VPS13B: variants seen among roughly 807,000 people sequenced by gnomAD.
VPS13B encodes vacuolar protein sorting 13 homolog B.
VPS13B carries 285 observed loss-of-function variants against 426.4 expected under a neutral mutation model. The observed-to-expected ratio is 0.67, with a 90% CI of 0.61 to 0.74. The LOEUF (loss-of-function observed/expected upper bound fraction) is 0.74. Among genes scored for constraint, VPS13B ranks in the 30% least tolerant of loss-of-function variants. VPS13B has a pLI of 0.00. For synonymous variants in VPS13B, 1,676 were observed against 1,676.4 expected, an observed-to-expected ratio of 1.00 and a Z score of 0.01; for missense variants, 4,537 against 4,782.6, an observed-to-expected ratio of 0.95 and a Z score of 1.51.
intron 35 of VPS13B, among the ~76,000 whole-genome samples, chr8:99,687,165 G>A (rs1831448496): frequency 6.6e-6 from 1 of 152,004 alleles, no homozygotes; most frequent in African/African-American, 2.4e-5. Flanking sequence ...TTGGGAGCTA[G>A]GGACTAGAAT....
At chr8:99,013,461 G>A in intron 1 of VPS13B, 114 bp downstream of exon 1, 2 of 374,020 alleles carry the variant, frequency 5.3e-6, no homozygotes, top group Non-Finnish European at 5.1e-6. Context: ...TCGCGGGGTG[G>A]CTGGGTTGGT....
chr8:99,617,299 G>T (rs11780969), intron 33 of VPS13B, among the ~76,000 whole-genome samples: 4,879 of 152,076 alleles, frequency 0.032, 106 homozygotes, highest in Middle Eastern at 0.068. Context: ...CTAGGTTTTG[G>T]GTTATTTGTT....
In VPS13B at chr8:99,140,717, G is replaced by T. The variant is rs1451894658; in HGVS notation, c.1652-2257G>T. 2.3e-5 allele frequency among the ~76,000 whole-genome samples: 3 copies of T among 132,884 alleles called. No homozygotes were observed. In the East Asian group the frequency reaches 6.8e-4, roughly 30 times the overall value. The allele number at this position is 132,884 out of a possible 152,430, so 87.2% of individuals were successfully genotyped here. A position where few individuals can be genotyped will look rare whatever the true frequency, so the allele number is the denominator to read the frequency against. ...CTCCTCCTCCTCCTTCTCCTTCTTT[G>T]TGAGTATACTTTAGTCATTTTTGTT... is the stretch of plus-strand genomic sequence containing the variant. On this transcript the variant is annotated intron_variant, in intron 12 of 61. Transcript: ENST00000357162.
At chr8:99,855,317 G>T (rs999976079) in intron 56 of VPS13B, among the ~76,000 whole-genome samples, 1 of 152,172 alleles carries the variant, frequency 6.6e-6, no homozygotes, top group Admixed American at 6.5e-5. Flanking sequence ...AGGACTTTGA[G>T]GCTACAGTGA....
At chr8:99,142,280 G>A (rs925120769) in intron 12 of VPS13B, among the ~76,000 whole-genome samples, 2 of 152,070 alleles carry the variant, frequency 1.3e-5, no homozygotes, top group Non-Finnish European at 2.9e-5. Flanking sequence ...TAAACAAAAT[G>A]CATTATAAAT....
At chr8:99,348,747 A>G (rs1811688805) in intron 19 of VPS13B, among the ~76,000 whole-genome samples, 1 of 152,162 alleles carries the variant, frequency 6.6e-6, no homozygotes, top group African/African-American at 2.4e-5. Flanking sequence ...ATTTTTCAGT[A>G]ATTTATAGTG....
At chr8:99,475,490 A>G (rs1294920681) in intron 24 of VPS13B, among the ~76,000 whole-genome samples, 1 of 152,108 alleles carries the variant, frequency 6.6e-6, no homozygotes, top group Non-Finnish European at 1.5e-5. Context: ...ATATTCTTAG[A>G]CTCCACTATT....
At chr8:99,842,070 T>C (rs1444108306) in intron 54 of VPS13B, among the ~76,000 whole-genome samples, 1 of 152,214 alleles carries the variant, frequency 6.6e-6, no homozygotes, top group Non-Finnish European at 1.5e-5. Context: ...AAGTCTATAA[T>C]TCTTCCATAG....
At chr8:99,571,754 A>T (rs976960295) in intron 31 of VPS13B, among the ~76,000 whole-genome samples, 1 of 152,184 alleles carries the variant, frequency 6.6e-6, no homozygotes, top group African/African-American at 2.4e-5. Context: ...TTAGGCTATA[A>T]TTATGATGTC....
rs772550162 is a variant in VPS13B, at chr8:99,013,938, A to G, written c.147+3A>G. 3.1e-6 allele frequency: 5 copies of G among 1,613,988 alleles called. No individual in the cohort carries two copies. The African/African-American group carries it at 5.3e-5, about 17-fold the overall frequency. On this transcript the variant is annotated splice_donor_region_variant and intron_variant, in intron 2 of 61. Coordinates refer to ENST00000357162, the MANE Select transcript of VPS13B (RefSeq NM_152564.5). ...TAAAGTTGGATGTGCTGGAACAGGT[A>G]AGCTATTTAGCTGTCATTAACTGGA... is the stretch of plus-strand genomic sequence containing the variant.
At chr8:99,685,251 A>G (rs1000600617) in intron 35 of VPS13B, among the ~76,000 whole-genome samples, 6 of 152,258 alleles carry the variant, frequency 3.9e-5, no homozygotes, top group Non-Finnish European at 8.8e-5. Flanking sequence ...TGGAATTTGT[A>G]TTAGTTTTCT....
intron 19 of VPS13B, among the ~76,000 whole-genome samples, chr8:99,316,201 G>A (rs1809648740): frequency 2.0e-5 from 3 of 152,170 alleles, no homozygotes; most frequent in Admixed American, 2.0e-4. Flanking sequence ...TCCTTAGGGT[G>A]CTTATAAATG....
chr8:99,322,485 C>T (rs564108579), intron 19 of VPS13B, among the ~76,000 whole-genome samples: 9 of 152,268 alleles, frequency 5.9e-5, no homozygotes, highest in African/African-American at 1.9e-4. Context: ...TTCTACAAAT[C>T]TTTCCTTAAG....
intron 19 of VPS13B, among the ~76,000 whole-genome samples, chr8:99,364,409 T>C (rs763829151): frequency 1.3e-5 from 2 of 152,086 alleles, no homozygotes; most frequent in African/African-American, 2.4e-5. Context: ...ATTTTCATTA[T>C]AGATATTGTC....
intron 17 of VPS13B, among the ~76,000 whole-genome samples, chr8:99,215,258 A>G (rs948029967): frequency 2.6e-5 from 4 of 152,206 alleles, no homozygotes; most frequent in African/African-American, 9.6e-5. Context: ...CATGTGTTGT[A>G]TAGGGTGTAC....
At chr8:99,084,769 T>G (rs536707835) in intron 3 of VPS13B, among the ~76,000 whole-genome samples, 1 of 152,244 alleles carries the variant, frequency 6.6e-6, no homozygotes, top group East Asian at 1.9e-4. Flanking sequence ...TGGCTTTGAG[T>G]GAGTTTCTGA....
chr8:99,381,253 G>A (rs1813787807), intron 19 of VPS13B, among the ~76,000 whole-genome samples: 1 of 152,156 alleles, frequency 6.6e-6, no homozygotes, highest in South Asian at 2.1e-4. Flanking sequence ...TTTTATGGCT[G>A]CATAGTATTC....
At chr8:99,298,011 G>A (rs190511579) in intron 19 of VPS13B, among the ~76,000 whole-genome samples, 22 of 152,204 alleles carry the variant, frequency 1.4e-4, no homozygotes, top group African/African-American at 4.8e-4. Flanking sequence ...TCATCTTTTT[G>A]AGCTTGCCTG....
rs142166351 is a variant in VPS13B, at chr8:99,142,663, T to C, written c.1652-311T>C. ...AGTACCCCCTCTCAGTCAATGCATA[T>C]TGTGTATAGAATTACTAGATATAAG... On this transcript the variant is annotated intron_variant, in intron 12 of 61. Transcript: ENST00000357162. Among the ~76,000 whole-genome samples, 885 of 152,324 alleles carry C rather than the reference T, an allele frequency of 5.8e-3. 6 individuals carry two copies. Among genetic ancestry groups the C allele is most frequent in the Admixed American group, 0.012 (183 of 15,308 alleles).
Sources: gnomAD v4.1 joint callset for allele counts (sites outside exome capture counted in the v4.1 genomes callset) on GRCh38, gnomAD v4.1.1 for gene constraint, MANE v1.5 for transcripts, NCBI Gene and HGNC (gene_info 2026-07-23, HGNC 2026-07-21) for gene names.